PPM1L: variants seen among roughly 807,000 people sequenced by gnomAD.
PPM1L encodes protein phosphatase 1L.
In PPM1L, 13 loss-of-function variants were observed where a neutral mutation model predicts 31.4. The ratio of observed to expected loss-of-function variants is 0.41; its 90% CI spans 0.27 to 0.66. PPM1L has a LOEUF of 0.66. Among genes scored for constraint, PPM1L ranks in the 30% least tolerant of loss-of-function variants. The probability of loss-of-function intolerance (pLI) is 0.29; values close to 1 mark genes in which losing one functional copy is unlikely to be tolerated. For missense variants in PPM1L, 326 were observed against 453.7 expected, an observed-to-expected ratio of 0.72 and a Z score of 2.56; for synonymous variants, 184 against 175.4, an observed-to-expected ratio of 1.05 and a Z score of -0.39.
intron 1 of PPM1L, among the ~76,000 whole-genome samples, chr3:160,835,037 C>T (rs543986933): frequency 7.1e-6 from 1 of 140,358 alleles, no homozygotes; most frequent in Non-Finnish European, 1.5e-5. Context: ...ATTACTACTA[C>T]TACTTCTTCT....
At chr3:160,820,757 A>G (rs1261846046) in intron 1 of PPM1L, among the ~76,000 whole-genome samples, 1 of 152,068 alleles carries the variant, frequency 6.6e-6, no homozygotes, top group Non-Finnish European at 1.5e-5. Context: ...TGAATATACC[A>G]TCATCTGTTT....
chr3:160,877,345 T>A (rs79259190), intron 1 of PPM1L, among the ~76,000 whole-genome samples: 2,444 of 152,320 alleles, frequency 0.016, 67 homozygotes, highest in African/African-American at 0.057. Flanking sequence ...ATCTCCAATT[T>A]CATGGCAAGA....
At chr3:160,786,812 A>G (rs1046647965) in intron 1 of PPM1L, among the ~76,000 whole-genome samples, 10 of 152,052 alleles carry the variant, frequency 6.6e-5, no homozygotes, top group East Asian at 5.8e-4. Flanking sequence ...TGTGTACTCA[A>G]TGTTTAGCTC....
intron 1 of PPM1L, among the ~76,000 whole-genome samples, chr3:160,774,617 A>G (rs1711517076): frequency 1.3e-5 from 2 of 152,162 alleles, no homozygotes; most frequent in Non-Finnish European, 2.9e-5. Flanking sequence ...TGCCTATGCA[A>G]AAGTCCGCAC....
At chr3:160,864,807 T>G (rs2108024679) in intron 1 of PPM1L, among the ~76,000 whole-genome samples, 1 of 152,314 alleles carries the variant, frequency 6.6e-6, no homozygotes, top group African/African-American at 2.4e-5. Flanking sequence ...TGCTTTATTT[T>G]CAACAGTAAA....
At chr3:160,909,335 G>A (rs1306955602) in intron 1 of PPM1L, among the ~76,000 whole-genome samples, 1 of 152,124 alleles carries the variant, frequency 6.6e-6, no homozygotes, top group East Asian at 1.9e-4. Context: ...ATAGACTTGG[G>A]GGTTTCTTGA....
rs1553803131 is a variant in PPM1L, at chr3:160,756,751, TC to T, written c.399+45del. On this transcript the variant is annotated intron_variant, in intron 1 of 3. Coordinates refer to ENST00000498165, the MANE Select transcript of PPM1L (RefSeq NM_139245.4). The surrounding 1 kb of genome is among the most constrained non-coding windows in gnomAD (Gnocchi z 6.2). Reference sequence around the variant, plus strand: ...CTTTGTATTTGTGTCCGTGTATGTCTCGTGTGTGTGTGTGTGTGTGTGTGTG... The same window carrying T: ...CTTTGTATTTGTGTCCGTGTATGTCTGTGTGTGTGTGTGTGTGTGTGTGTG... 7 of 1,181,408 alleles carry T rather than the reference TC, an allele frequency of 5.9e-6. No homozygotes were observed. The highest frequency in any genetic ancestry group is 5.6e-5 in the East Asian group (2 of 35,782). 73.2% of individuals were successfully genotyped at this position (1,181,408 alleles called of 1,614,324 possible).
At position 161,078,690 on chromosome 3, in the gene PPM1L, T is replaced by G. The variant is rs1720186381; in HGVS notation, c.*9533T>G. On this transcript the variant is annotated 3_prime_UTR_variant, in exon 4 of 4. Transcript: ENST00000498165. ...CAATTTGGTGTAACATTACCTGTAGTAGAGCTCAGAGTATATGGCAGTGCA... is the reference window on the plus strand; with the variant it reads ...CAATTTGGTGTAACATTACCTGTAGGAGAGCTCAGAGTATATGGCAGTGCA... 6.6e-6 allele frequency: 1 copy of G among 152,214 alleles called. No homozygotes were observed. Among genetic ancestry groups the G allele is most frequent in the Admixed American group, 6.5e-5 (1 of 15,290 alleles). The allele number at this position is 152,214 out of a possible 1,614,324, so 9.4% of individuals were successfully genotyped here.
chr3:160,954,794 T>C (rs1420405089), intron 1 of PPM1L, among the ~76,000 whole-genome samples: 2 of 152,154 alleles, frequency 1.3e-5, no homozygotes, highest in Admixed American at 6.5e-5. Flanking sequence ...TAAGTCCCAT[T>C]TGTCTATATT....
chr3:160,878,809 A>G (rs944948697), intron 1 of PPM1L, among the ~76,000 whole-genome samples: 17 of 152,226 alleles, frequency 1.1e-4, no homozygotes, highest in Non-Finnish European at 2.2e-4. Context: ...GATCCTTTCC[A>G]TCATGATGTA....
rs1300114491 is a variant in PPM1L at position 161,073,818 on chromosome 3, C to T, written c.*4661C>T. 1 of 152,234 alleles carries T rather than the reference C, an allele frequency of 6.6e-6. No homozygotes were observed. Among genetic ancestry groups the T allele is most frequent in the African/African-American group, 2.4e-5 (1 of 41,444 alleles). 9.4% of individuals were successfully genotyped at this position (152,234 alleles called of 1,614,324 possible). A position where few individuals can be genotyped will look rare whatever the true frequency, so the allele number is the denominator to read the frequency against. ...CCTTGTAATCCACCAGCCTTGGCCTCCCAAAGTGCTGGGATTACAGGTGTG... is the reference window on the plus strand; with the variant it reads ...CCTTGTAATCCACCAGCCTTGGCCTTCCAAAGTGCTGGGATTACAGGTGTG... On this transcript the variant is annotated 3_prime_UTR_variant, in exon 4 of 4. Transcript: ENST00000498165.
At chr3:161,013,122 T>A (rs921822891) in intron 2 of PPM1L, among the ~76,000 whole-genome samples, 2 of 152,214 alleles carry the variant, frequency 1.3e-5, no homozygotes, top group African/African-American at 4.8e-5. Context: ...TGTTAGGGTG[T>A]CAATTTTAGA....
chr3:161,056,636 A>G (rs1719420675), intron 2 of PPM1L, among the ~76,000 whole-genome samples: 1 of 152,044 alleles, frequency 6.6e-6, no homozygotes, highest in African/African-American at 2.4e-5. Flanking sequence ...TTTGCATAGT[A>G]TAAGGGGTAA....
At chr3:160,796,889 C>T (rs530780152) in intron 1 of PPM1L, among the ~76,000 whole-genome samples, 11 of 152,310 alleles carry the variant, frequency 7.2e-5, no homozygotes, top group Admixed American at 6.5e-4. Flanking sequence ...CTTTCCCTCA[C>T]TGAAGCCAGT....
intron 1 of PPM1L, among the ~76,000 whole-genome samples, chr3:160,906,624 A>C (rs1488696824): frequency 2.0e-5 from 3 of 147,894 alleles, no homozygotes; most frequent in Non-Finnish European, 3.0e-5. Context: ...AAGAAAAGAA[A>C]AGAAAAGAAC....
chr3:160,933,487 A>G (rs934670732), intron 1 of PPM1L, among the ~76,000 whole-genome samples: 2 of 152,104 alleles, frequency 1.3e-5, no homozygotes, highest in African/African-American at 4.8e-5. Context: ...TGTTTGTTGC[A>G]TTTCTTGTTG....
chr3:161,030,205 CT>C (rs1446151168), intron 2 of PPM1L, among the ~76,000 whole-genome samples: 4 of 152,128 alleles, frequency 2.6e-5, no homozygotes, highest in African/African-American at 9.7e-5. Context: ...AAGATAGGGC[CT>C]TTAGGAGACG....
chr3:160,760,410 C>T (rs555119540), intron 1 of PPM1L, among the ~76,000 whole-genome samples: 1 of 152,268 alleles, frequency 6.6e-6, no homozygotes, highest in East Asian at 1.9e-4. Flanking sequence ...CTCTCTAGGG[C>T]TGTGGCTTCT....
At chr3:161,057,704 C>T (rs1030360971) in intron 2 of PPM1L, among the ~76,000 whole-genome samples, 2 of 152,002 alleles carry the variant, frequency 1.3e-5, no homozygotes, top group Non-Finnish European at 2.9e-5. Context: ...TGCATTCCTA[C>T]GCGGCAGCCA....
Sources: allele counts gnomAD v4.1 joint callset (sites outside exome capture counted in the v4.1 genomes callset), GRCh38; gene constraint gnomAD v4.1.1; non-coding constraint Gnocchi (gnomAD v3.1); transcripts MANE v1.5; gene names NCBI Gene and HGNC (gene_info 2026-07-23, HGNC 2026-07-21).